The following FREM3 variants were observed in gnomAD, a reference collection of about 807,000 sequenced individuals.
FREM3 encodes FRAS1 related extracellular matrix 3.
In FREM3, 105 loss-of-function variants were observed where a neutral mutation model predicts 129.1. The ratio of observed to expected loss-of-function variants is 0.81; its 90% CI spans 0.69 to 0.96. The LOEUF is 0.96. Among genes scored for constraint, FREM3 ranks in the 40% least tolerant of loss-of-function variants. FREM3 has a pLI of 0.00. For synonymous variants in FREM3, 1,014 were observed against 1,044.9 expected, an observed-to-expected ratio of 0.97 and a Z score of 0.57; for missense variants, 2,593 against 2,666.3, an observed-to-expected ratio of 0.97 and a Z score of 0.61.
At chr4:143,660,733 AT>A in intron 2 of FREM3, among the ~76,000 whole-genome samples, 1 of 151,872 alleles carries the variant, frequency 6.6e-6, no homozygotes, top group Non-Finnish European at 1.5e-5. Context: ...ATGTTTTTCC[AT>A]TTTTTTGTAT....
At chr4:143,584,419 A>T (rs1318489570) in intron 7 of FREM3, among the ~76,000 whole-genome samples, 1 of 147,148 alleles carries the variant, frequency 6.8e-6, no homozygotes, top group Non-Finnish European at 1.5e-5. Flanking sequence ...CCGTCTCAAA[A>T]AAAAAAAAAA....
rs116096489 is a variant in FREM3 at position 143,700,104 on chromosome 4, C to T, written c.572G>A (p.Arg191Lys). 9.1e-6 allele frequency: 14 copies of T among 1,536,870 alleles called. No individual in the cohort carries two copies. The highest frequency in any genetic ancestry group is 1.4e-5 in the African/African-American group (1 of 73,058). Residue 191 changes from arginine to lysine, a missense_variant, in exon 1 of 8, where the codon AGA becomes AAA. This residue lies in a region of FREM3 where 2,276 missense variants were observed against 2,267.2 expected (regional missense o/e 1.00). Transcript: ENST00000329798. Reference sequence around the variant, plus strand: ...CTTCAGGGAGGCGAAGTCCAGCACTCTCCTGTCTATGGCGCGGCTCCAGCT... The same window carrying T: ...CTTCAGGGAGGCGAAGTCCAGCACTTTCCTGTCTATGGCGCGGCTCCAGCT... ...LRSWSRAIDR[R>K]VLDFASLKSG...
chr4:143,635,049 A>G (rs1401860292), intron 2 of FREM3, among the ~76,000 whole-genome samples: 1 of 152,138 alleles, frequency 6.6e-6, no homozygotes, highest in East Asian at 1.9e-4. Context: ...ATAAGAGTGC[A>G]GATTCTGGAC....
At chr4:143,596,852 C>T (rs1408614600) in intron 6 of FREM3, among the ~76,000 whole-genome samples, 1 of 152,040 alleles carries the variant, frequency 6.6e-6, no homozygotes, top group Non-Finnish European at 1.5e-5. Context: ...GTGGGAGGAT[C>T]ACTTGAGCCC....
intron 2 of FREM3, among the ~76,000 whole-genome samples, chr4:143,663,572 C>T (rs950480366): frequency 1.3e-5 from 2 of 151,992 alleles, no homozygotes; most frequent in African/African-American, 4.8e-5. Context: ...CTTGGAGTTG[C>T]TCTTCTCGAG....
chr4:143,652,585 C>T (rs1228904690), intron 2 of FREM3, among the ~76,000 whole-genome samples: 2 of 152,156 alleles, frequency 1.3e-5, no homozygotes, highest in Non-Finnish European at 2.9e-5. Flanking sequence ...CCCTTTGGGT[C>T]TTGTGAGTTA....
chr4:143,664,862 G>A (rs894557883), intron 2 of FREM3, among the ~76,000 whole-genome samples: 118 of 152,114 alleles, frequency 7.8e-4, no homozygotes, highest in African/African-American at 2.8e-3. Flanking sequence ...AGCAATCAGC[G>A]AGACTCCGTG....
chr4:143,620,309 G>A (rs1560847173), intron 5 of FREM3, among the ~76,000 whole-genome samples: 2 of 152,160 alleles, frequency 1.3e-5, no homozygotes, highest in African/African-American at 4.8e-5. Context: ...TCATGCTTCT[G>A]CCTGTTGGGG....
At chr4:143,601,742 C>G (rs1376227723) in intron 6 of FREM3, 1 of 152,132 alleles carries the variant, frequency 6.6e-6, no homozygotes, top group Admixed American at 6.6e-5. Flanking sequence ...GCTGTCTTGG[C>G]AGTGTGGGCC....
chr4:143,623,493 T>TACCC (rs1738989130), intron 4 of FREM3, among the ~76,000 whole-genome samples: 1 of 68,522 alleles, frequency 1.5e-5, no homozygotes, highest in African/African-American at 4.3e-5. Flanking sequence ...TGAATACTAA[T>TACCC]CCCCCCCCCC....
chr4:143,622,349 C>T (rs1738965667), intron 4 of FREM3, among the ~76,000 whole-genome samples: 1 of 150,774 alleles, frequency 6.6e-6, no homozygotes, highest in South Asian at 2.1e-4. Context: ...CTGCCTCGGC[C>T]TCCTAAAGTG....
At chr4:143,621,661 C>T (rs1226992596) in intron 4 of FREM3, among the ~76,000 whole-genome samples, 1 of 152,120 alleles carries the variant, frequency 6.6e-6, no homozygotes, top group African/African-American at 2.4e-5. Context: ...GCTACAGGTC[C>T]TTCCCTCAAT....
intron 2 of FREM3, among the ~76,000 whole-genome samples, chr4:143,642,573 G>A (rs1375858796): frequency 1.3e-5 from 2 of 152,062 alleles, no homozygotes; most frequent in African/African-American, 2.4e-5. Flanking sequence ...TGGGAAAATT[G>A]GATAGCCAAA....
At chr4:143,644,925 A>G (rs1739386648) in intron 2 of FREM3, among the ~76,000 whole-genome samples, 1 of 152,210 alleles carries the variant, frequency 6.6e-6, no homozygotes, top group South Asian at 2.1e-4. Context: ...ATTTCCCCTC[A>G]AATCTGTCCT....
rs778722454 is a variant in FREM3 at position 143,700,245 on chromosome 4, C to A, written c.431G>T (p.Arg144Leu). The change falls in exon 1 of 8, where the codon CGC becomes CTC. Residue 144 changes from arginine to leucine, a missense_variant. Arg to Leu is a moderately radical substitution (Grantham distance 102). Coordinates refer to ENST00000329798, the MANE Select transcript of FREM3 (RefSeq NM_001168235.2). ...CAGAGTGTGAGTCGGGGCGTCGTAG[C>A]GCAGCTGCAGCAGCACCCGGGCGCG... Reference protein sequence around the residue: ...PGRARVLLQLRYDAPTHTLVL... With the variant: ...PGRARVLLQLLYDAPTHTLVL... 14 of 1,536,510 alleles carry A rather than the reference C, an allele frequency of 9.1e-6. No homozygotes were observed. Among genetic ancestry groups the A allele is most frequent in the African/African-American group, 1.4e-5 (1 of 73,034 alleles).
Position 143,594,561 on chromosome 4 carries a change from A to G in FREM3, c.6029-8568T>C, listed in dbSNP as rs1738433519. Among the ~76,000 whole-genome samples, 3 of 152,220 alleles carry G rather than the reference A, an allele frequency of 2.0e-5. No homozygotes were observed. In the South Asian group the frequency reaches 6.2e-4, roughly 32 times the overall value. ...CTTATTACAAAGTTTGTTGAAAAAA[A>G]CTTTGAACAAAGTTACCTACATTTT... On this transcript the variant is annotated intron_variant, in intron 6 of 7. Coordinates refer to ENST00000329798, the MANE Select transcript of FREM3 (RefSeq NM_001168235.2).
intron 2 of FREM3, among the ~76,000 whole-genome samples, chr4:143,649,672 A>G (rs1739477261): frequency 2.0e-5 from 3 of 152,182 alleles, no homozygotes; most frequent in Non-Finnish European, 4.4e-5. Flanking sequence ...AAAGCTGTAT[A>G]TAAATTTTTT....
At chr4:143,611,083 T>G (rs765387970) in intron 6 of FREM3, among the ~76,000 whole-genome samples, 196 bp downstream of exon 6, 24 of 152,326 alleles carry the variant, frequency 1.6e-4, no homozygotes, top group Middle Eastern at 3.4e-3. Context: ...AAATATTTAA[T>G]CTACTCGCAT....
At chr4:143,673,634 T>TG (rs1429279621) in intron 2 of FREM3, among the ~76,000 whole-genome samples, 1 of 152,214 alleles carries the variant, frequency 6.6e-6, no homozygotes, top group Non-Finnish European at 1.5e-5. Flanking sequence ...GACAGGGACA[T>TG]TTAAGTCTGC....
Sources: allele counts gnomAD v4.1 joint callset (sites outside exome capture counted in the v4.1 genomes callset), GRCh38; gene constraint gnomAD v4.1.1; regional missense constraint gnomAD v4.1.1; transcripts MANE v1.5; gene names NCBI Gene and HGNC (gene_info 2026-07-23, HGNC 2026-07-21).